Variants in SPOCD1 observed in about 807,000 individuals in gnomAD.
SPOCD1 encodes SPOC domain-containing protein 1.
A neutral mutation model predicts 92.2 loss-of-function variants in SPOCD1; 64 were observed. That is an observed-to-expected ratio of 0.69 (90% confidence interval 0.57 to 0.86). The LOEUF (loss-of-function observed/expected upper bound fraction) is 0.86. Among genes scored for constraint, SPOCD1 ranks in the 40% least tolerant of loss-of-function variants. The pLI, the probability that SPOCD1 is intolerant of heterozygous loss-of-function variation, is 0.00. For missense variants in SPOCD1, 1,360 were observed against 1,543.1 expected (o/e 0.88, Z 1.99); for synonymous variants, 578 against 619.3 (o/e 0.93, Z 0.99).
chr1:31,796,657 A>G lies in SPOCD1; in HGVS notation c.2204T>C (p.Met735Thr). The change falls in exon 10 of 16, where the codon ATG becomes ACG. Residue 735 changes from methionine (M) to threonine (T), a missense_variant. Around this residue, in one of 3 missense-constraint regions of SPOCD1, gnomAD observed 614 missense variants for 757.8 expected, o/e 0.81. Transcript: ENST00000360482. ...KEPCRLPASK[M>T]THKGEVEIQR... ...AATCTCCACTTCGCCCTTGTGGGTC[A>G]TTTTGGAGGCTGGAAGTCTGCACGG... 5.0e-6 allele frequency: 8 copies of G among 1,614,178 alleles called. No individual in the cohort carries two copies. The highest frequency in any genetic ancestry group is 6.8e-6 in the Non-Finnish European group (8 of 1,180,028).
chr1:31,795,839 G>A (rs1287037338), intron 10 of SPOCD1: 1 of 153,276 alleles, frequency 6.5e-6, no homozygotes, highest in Non-Finnish European at 1.5e-5. Flanking sequence ...TCCTGAACAG[G>A]CAGCTGATGA....
intron 14 of SPOCD1, 116 bp downstream of exon 14, chr1:31,792,562 C>G (rs1647677918): frequency 8.9e-7 from 1 of 1,127,628 alleles, no homozygotes; most frequent in African/African-American, 1.6e-5. Context: ...AGTGAGTCTG[C>G]AGTCACTCTG....
chr1:31,814,203 C>T lies in SPOCD1; in HGVS notation c.1131G>A (p.Glu377=), dbSNP rs780255248. The T allele has an allele frequency of 9.5e-6, 15 of 1,574,850 alleles. No individual in the cohort carries two copies. The South Asian group carries it at 1.5e-4, about 16-fold the overall frequency. The change falls in exon 2 of 16, where the codon GAG becomes GAA. Residue 377 remains glutamate (E), a synonymous_variant. Coordinates refer to ENST00000360482, the MANE Select transcript of SPOCD1 (RefSeq NM_144569.7). This position sits in a 1 kb window ranked among gnomAD's most constrained non-coding sequence, Gnocchi z 4.2. The part of the protein sequence containing the change: ...KAQPASRGRL[E]QGLAAPADTC... ...TGTCAGCGGGGGCAGCGAGTCCTTG[C>T]TCCAGCCTTCCCCTGGAAGCTGGCT...
At chr1:31,801,565 G>C in intron 3 of SPOCD1, 99 bp downstream of exon 3, 1 of 1,078,394 alleles carries the variant, frequency 9.3e-7, no homozygotes, top group Non-Finnish European at 1.4e-6. Flanking sequence ...CAGGCTGGGT[G>C]GGGGTAGGAT....
At chr1:31,805,276 C>A (rs1438180782) in intron 2 of SPOCD1, among the ~76,000 whole-genome samples, 1 of 151,702 alleles carries the variant, frequency 6.6e-6, no homozygotes, top group Non-Finnish European at 1.5e-5. Flanking sequence ...GAGCCCCGAG[C>A]CCGGCCTGTG....
intron 2 of SPOCD1, 130 bp from the exon 3 acceptor site, chr1:31,801,835 CA>C (rs1648488354): frequency 2.5e-6 from 2 of 789,392 alleles, no homozygotes; most frequent in African/African-American, 1.7e-5. Flanking sequence ...GTACTTACAG[CA>C]AAAAGTTGTC....
Position 31,800,019 on chromosome 1 carries a change from G to A in SPOCD1, c.1725C>T (p.Ser575=). 6.2e-7 allele frequency: 1 copy of A among 1,611,990 alleles called. No individual in the cohort carries two copies. The highest frequency in any genetic ancestry group is 1.7e-4 in the Middle Eastern group (1 of 6,030). ...LGDPSSDPAC[S]QSGPMEAEED... is the part of the protein sequence containing the mutation. The stretch of plus-strand genomic sequence containing the variant: ...TGGCCGGGGCAGAACAACTTGCCTG[G>A]GAACATGCAGGGTCCGAGCTGGGGT... Residue 575 remains serine (S), a synonymous_variant, in exon 5 of 16, where the codon TCC becomes TCT. Transcript: ENST00000360482.
At chr1:31,810,079 C>A (rs1022659667) in intron 2 of SPOCD1, among the ~76,000 whole-genome samples, 10 of 152,136 alleles carry the variant, frequency 6.6e-5, no homozygotes, top group Non-Finnish European at 1.5e-4. Context: ...CTCCTCTGCC[C>A]TCCCCTCCCC....
At chr1:31,801,530 A>G in intron 3 of SPOCD1, 134 bp downstream of exon 3, 1 of 713,002 alleles carries the variant, frequency 1.4e-6, no homozygotes, top group Admixed American at 2.4e-5. Context: ...GAGGGAGGGG[A>G]GCACTAGGAT....
At chr1:31,813,854 G>A (rs1352881968) in intron 2 of SPOCD1, 97 bp downstream of exon 2, 16 of 1,107,628 alleles carry the variant, frequency 1.4e-5, no homozygotes, top group East Asian at 2.7e-5. Context: ...TTCATGAAGC[G>A]CCCATCTAGC....
Position 31,814,866 on chromosome 1 carries a change from C to T in SPOCD1, c.468G>A (p.Val156=). The T allele has an allele frequency of 1.2e-6, 2 of 1,613,514 alleles. No individual in the cohort carries two copies. The highest frequency in any genetic ancestry group is 1.7e-6 in the Non-Finnish European group (2 of 1,179,934). The stretch of plus-strand genomic sequence containing the variant: ...TGGGCCTGAGGCAGCTCACCTCCTC[C>T]ACTCCTGCAAGCCTCTCCCTGCAGG... ...ALACRERLAG[V]EEVSCLRPRE... The change falls in exon 2 of 16, where the codon GTG becomes GTA. Residue 156 remains valine (V), a synonymous_variant. Coordinates refer to ENST00000360482, the MANE Select transcript of SPOCD1 (RefSeq NM_144569.7). The surrounding 1 kb of genome is among the most constrained non-coding windows in gnomAD (Gnocchi z 4.2).
rs1199351523 is a variant in SPOCD1 at position 31,815,375 on chromosome 1, G to C, written c.-39-3C>G. ...GGGCCAAAAGCACAACACGGGCCCT[G>C]TGTGGAGACAGAAAGAGGAGACTTT... On this transcript the variant is annotated splice_polypyrimidine_tract_variant and splice_region_variant and intron_variant, in intron 1 of 15. Coordinates refer to ENST00000360482, the MANE Select transcript of SPOCD1 (RefSeq NM_144569.7). The C allele has an allele frequency of 6.7e-7, 1 of 1,500,552 alleles. No individual in the cohort carries two copies. Among genetic ancestry groups the C allele is most frequent in the African/African-American group, 1.4e-5 (1 of 71,540 alleles). 93.0% of individuals were successfully genotyped at this position (1,500,552 alleles called of 1,614,324 possible). A position where few individuals can be genotyped will look rare whatever the true frequency, so the allele number is the denominator to read the frequency against.
Position 31,792,682 on chromosome 1 carries a change from G to A in SPOCD1, c.2771C>T (p.Ala924Val). The A allele has an allele frequency of 1.3e-6, 2 of 1,598,772 alleles. No individual in the cohort carries two copies. Among genetic ancestry groups the A allele is most frequent in the Non-Finnish European group, 1.7e-6 (2 of 1,172,834 alleles). ...TGCCCAAGAGTGGGCAGGTACCTTG[G>A]CCTTGGCTGGGCAGATGCTGGCCAG... ...DLLASICPAK[A>V]KDVCVVRLCP... Residue 924 changes from alanine (A) to valine (V), a missense_variant, in exon 14 of 16, where the codon GCC becomes GTC. Ala to Val is a moderately conservative substitution (Grantham distance 64, BLOSUM62 0). Transcript: ENST00000360482.
In SPOCD1 at chr1:31,791,097, T is replaced by G; in HGVS notation, c.3157A>C (p.Arg1053=). The G allele has an allele frequency of 6.2e-7, 1 of 1,613,044 alleles. No individual in the cohort carries two copies. Residue 1053 remains arginine (R), a synonymous_variant, in exon 16 of 16, where the codon AGG becomes CGG. Coordinates refer to ENST00000360482, the MANE Select transcript of SPOCD1 (RefSeq NM_144569.7). The stretch of plus-strand genomic sequence containing the variant: ...CCCTTCAGGGGCACATTCGGCCTCC[T>G]GTCATCTGGCTGATAGTATCTCTTC... The part of the protein sequence containing the change: ...VEKRYYQPDD[R]RPNVPLKGTP...
At chr1:31,799,943 C>T in intron 5 of SPOCD1, 73 bp downstream of exon 5, 5 of 1,612,640 alleles carry the variant, frequency 3.1e-6, no homozygotes, top group Non-Finnish European at 4.2e-6. Context: ...CCTCTAGTCA[C>T]CTCCCCACTC....
At position 31,798,233 on chromosome 1, in the gene SPOCD1, G is replaced by C; in HGVS notation, c.2119C>G (p.Arg707Gly). 1 of 1,614,048 alleles carries C rather than the reference G, an allele frequency of 6.2e-7. No individual in the cohort carries two copies. Among genetic ancestry groups the C allele is most frequent in the Non-Finnish European group, 8.5e-7 (1 of 1,180,006 alleles). The change falls in exon 9 of 16, where the codon CGC becomes GGC. Residue 707 changes from arginine (R) to glycine (G), a missense_variant. Arg to Gly is a moderately radical substitution (Grantham distance 125). Coordinates refer to ENST00000360482, the MANE Select transcript of SPOCD1 (RefSeq NM_144569.7). The surrounding 1 kb of genome is among the most constrained non-coding windows in gnomAD (Gnocchi z 4.1). ...CTTTTCTCCTCCTGGTCCCGCCAGCGGGCCAGCTCCTGGGGGGCCAGCTGC... is the reference window on the plus strand; with the variant it reads ...CTTTTCTCCTCCTGGTCCCGCCAGCCGGCCAGCTCCTGGGGGGCCAGCTGC... ...SMQLAPQELARWRDQEEKRGL... is the reference protein window; with the variant it reads ...SMQLAPQELAGWRDQEEKRGL...
At chr1:31,791,478 G>T (rs1024639805) in intron 15 of SPOCD1, among the ~76,000 whole-genome samples, 187 bp from the exon 16 acceptor site, 2 of 152,214 alleles carry the variant, frequency 1.3e-5, no homozygotes, top group Admixed American at 1.3e-4. Context: ...GGTATGGATT[G>T]TTTGACCTGA....
intron 2 of SPOCD1, among the ~76,000 whole-genome samples, chr1:31,803,724 C>G (rs1467043707): frequency 6.7e-6 from 1 of 149,298 alleles, no homozygotes; most frequent in African/African-American, 2.5e-5. Flanking sequence ...CTGGGTGACA[C>G]AGCAAGACAC....
intron 6 of SPOCD1, 142 bp from the exon 7 acceptor site, chr1:31,799,627 C>G: frequency 9.2e-7 from 1 of 1,088,766 alleles, no homozygotes; most frequent in Non-Finnish European, 1.3e-6. Flanking sequence ...CATCTGGGAG[C>G]CAAGCCCAGG....
Sources: gnomAD v4.1 joint callset for allele counts (sites outside exome capture counted in the v4.1 genomes callset) on GRCh38, gnomAD v4.1.1 for gene constraint, gnomAD v4.1.1 regional missense constraint, Gnocchi (gnomAD v3.1) non-coding constraint, MANE v1.5 for transcripts, NCBI Gene and HGNC (gene_info 2026-07-23, HGNC 2026-07-21) for gene names.